Variants in TSPAN5 observed in about 807,000 individuals in gnomAD.
TSPAN5 encodes the protein tetraspanin-5.
A neutral mutation model predicts 37.1 loss-of-function variants in TSPAN5; 10 were observed. The observed-to-expected ratio is 0.27, with a 90% CI of 0.17 to 0.46. TSPAN5 has a LOEUF of 0.46. Ranked by LOEUF, TSPAN5 falls within the 20% of genes least tolerant of loss-of-function variation. The pLI is 1.00. For missense variants in TSPAN5, 195 were observed against 326.6 expected (o/e 0.60, Z 3.11); for synonymous variants, 110 against 118.9 (o/e 0.93, Z 0.48).
At chr4:98,508,522 C>CT (rs34342433) in intron 1 of TSPAN5, among the ~76,000 whole-genome samples, 2,068 of 121,922 alleles carry the variant, frequency 0.017, 52 homozygotes, top group African/African-American at 0.047. Context: ...TACTGTTTTT[C>CT]TTTTTTTTTT....
At chr4:98,530,997 C>T (rs902317058) in intron 1 of TSPAN5, among the ~76,000 whole-genome samples, 4 of 152,188 alleles carry the variant, frequency 2.6e-5, no homozygotes, top group Admixed American at 2.0e-4. Context: ...GCCTCAAACT[C>T]CTGGTATTAT....
At chr4:98,630,205 TCAAAGTGAACAAGAA>T (rs1756709012) in intron 1 of TSPAN5, among the ~76,000 whole-genome samples, 2 of 152,010 alleles carry the variant, frequency 1.3e-5, no homozygotes, top group Admixed American at 6.5e-5. Flanking sequence ...GCAAGGGTGC[TCAAAGTGAACAAGAA>T]CAGGACAAAG....
rs1334797943 is a variant in TSPAN5, at chr4:98,592,887, G to A, written c.81+65259C>T. ...AGACTTTGCTATTGTGAATAGTGCC[G>A]CAATAAACATACGTGTGCATGTGTC... On this transcript the variant is annotated intron_variant, in intron 1 of 7. Transcript: ENST00000305798. Among the ~76,000 whole-genome samples the A allele has an allele frequency of 4.5e-3, 659 of 147,892 alleles. 5 individuals are homozygous for A. The highest frequency in any genetic ancestry group is 0.01 in the Middle Eastern group (3 of 292).
intron 1 of TSPAN5, among the ~76,000 whole-genome samples, chr4:98,621,658 G>A (rs1323632078): frequency 6.6e-6 from 1 of 152,138 alleles, no homozygotes; most frequent in Non-Finnish European, 1.5e-5. Flanking sequence ...GTGAGCCACT[G>A]CGCCCGGCCA....
intron 1 of TSPAN5, among the ~76,000 whole-genome samples, chr4:98,576,849 T>C (rs1755249426): frequency 6.6e-6 from 1 of 152,204 alleles, no homozygotes; most frequent in African/African-American, 2.4e-5. Flanking sequence ...AACCTCCACC[T>C]CCCGTGTTCA....
intron 1 of TSPAN5, among the ~76,000 whole-genome samples, chr4:98,540,926 C>T (rs932968797): frequency 1.3e-5 from 2 of 152,116 alleles, no homozygotes; most frequent in East Asian, 1.9e-4. Flanking sequence ...GAACTTCTAG[C>T]CAAGAAAACT....
intron 1 of TSPAN5, among the ~76,000 whole-genome samples, chr4:98,620,787 T>C (rs1579035978): frequency 6.6e-6 from 1 of 152,036 alleles, no homozygotes; most frequent in Non-Finnish European, 1.5e-5. Context: ...GCTGACAAGG[T>C]AGGCAGGGGT....
intron 1 of TSPAN5, among the ~76,000 whole-genome samples, chr4:98,540,343 C>T (rs1301307513): frequency 6.8e-6 from 1 of 146,628 alleles, no homozygotes; most frequent in Non-Finnish European, 1.5e-5. Context: ...TTCCCTCTTC[C>T]TTTTTTTTTT....
intron 1 of TSPAN5, among the ~76,000 whole-genome samples, chr4:98,638,411 T>C (rs992002092): frequency 1.6e-4 from 24 of 152,288 alleles, no homozygotes; most frequent in African/African-American, 4.1e-4. Context: ...CCATGACCCT[T>C]TGAACCATAC....
At chr4:98,583,071 T>A (rs984041705) in intron 1 of TSPAN5, among the ~76,000 whole-genome samples, 30 of 152,154 alleles carry the variant, frequency 2.0e-4, no homozygotes, top group African/African-American at 7.2e-4. Context: ...CCTCATCCCC[T>A]CAACCCAACT....
At chr4:98,482,220 T>A in intron 3 of TSPAN5, 45 bp from the exon 4 acceptor site, 1 of 1,565,254 alleles carries the variant, frequency 6.4e-7, no homozygotes, top group Non-Finnish European at 8.7e-7. Context: ...TAAGGGCTAT[T>A]TTGATCATAT....
intron 1 of TSPAN5, among the ~76,000 whole-genome samples, chr4:98,629,945 T>C (rs1756703433): frequency 6.6e-6 from 1 of 152,236 alleles, no homozygotes; most frequent in Admixed American, 6.5e-5. Context: ...TGTGTCATTG[T>C]TAAACTGTCT....
At chr4:98,581,610 C>T (rs551264458) in intron 1 of TSPAN5, among the ~76,000 whole-genome samples, 5 of 152,252 alleles carry the variant, frequency 3.3e-5, no homozygotes, top group Admixed American at 6.5e-5. Flanking sequence ...AAATCCAAAA[C>T]GGATTAACTT....
intron 1 of TSPAN5, among the ~76,000 whole-genome samples, chr4:98,619,532 C>T (rs1428147837): frequency 6.6e-6 from 1 of 152,132 alleles, no homozygotes; most frequent in Non-Finnish European, 1.5e-5. Context: ...GTCTTACAAA[C>T]CATCTATGTG....
chr4:98,566,022 G>A (rs1043795543), intron 1 of TSPAN5, among the ~76,000 whole-genome samples: 1 of 152,164 alleles, frequency 6.6e-6, no homozygotes, highest in Non-Finnish European at 1.5e-5. Context: ...TAGTTTTAGC[G>A]AGGAGAAGAA....
chr4:98,606,421 C>T (rs17027845), intron 1 of TSPAN5, among the ~76,000 whole-genome samples: 7 of 152,144 alleles, frequency 4.6e-5, no homozygotes, highest in Admixed American at 1.3e-4. Flanking sequence ...AGGAAGGTTA[C>T]GGAAACATCT....
chr4:98,555,602 A>G (rs1754723665), intron 1 of TSPAN5, among the ~76,000 whole-genome samples: 1 of 152,188 alleles, frequency 6.6e-6, no homozygotes, highest in African/African-American at 2.4e-5. Flanking sequence ...TCCCCAGCAC[A>G]GTGCCTTGAA....
chr4:98,655,134 C>T (rs1304288021), intron 1 of TSPAN5, among the ~76,000 whole-genome samples: 2 of 152,120 alleles, frequency 1.3e-5, no homozygotes, highest in Non-Finnish European at 2.9e-5. Context: ...CGTGAGCCAC[C>T]GCGCCCAGCC....
intron 2 of TSPAN5, among the ~76,000 whole-genome samples, chr4:98,488,575 C>A (rs1006008968): frequency 6.6e-6 from 1 of 152,134 alleles, no homozygotes; most frequent in African/African-American, 2.4e-5. Flanking sequence ...AGAAGGCAAC[C>A]ACACCCTTCA....
Sources: gnomAD v4.1 joint callset for allele counts (sites outside exome capture counted in the v4.1 genomes callset) on GRCh38, gnomAD v4.1.1 for gene constraint, MANE v1.5 for transcripts, NCBI Gene and HGNC (gene_info 2026-07-23, HGNC 2026-07-21) for gene names.